Variants in DDR2 observed in about 807,000 individuals in gnomAD.
DDR2 encodes discoidin domain-containing receptor 2.
DDR2 carries 27 observed loss-of-function variants against 94.9 expected under a neutral mutation model. That is an observed-to-expected ratio of 0.28 (90% CI 0.21 to 0.39). The LOEUF (loss-of-function observed/expected upper bound fraction) is 0.39, where lower values mean the gene tolerates loss of function less well. Ranked by LOEUF, DDR2 falls within the 10% of genes least tolerant of loss-of-function variation. The probability of loss-of-function intolerance (pLI) is 1.00; values close to 1 mark genes in which losing one functional copy is unlikely to be tolerated. For missense variants in DDR2, 783 were observed against 1,076.0 expected (o/e 0.73, Z 3.81); for synonymous variants, 382 against 377.2 (o/e 1.01, Z -0.15).
rs1661800433 is a variant in DDR2 at position 162,728,069 on chromosome 1, T to TATATATCTAC, written c.82+8933_82+8934insCATATATCTA. Among the ~76,000 whole-genome samples, 4 of 143,264 alleles carry TATATATCTAC rather than the reference T, an allele frequency of 2.8e-5. No individual in the cohort carries two copies. In the South Asian group the frequency reaches 8.6e-4, roughly 31 times the overall value. The allele number at this position is 143,264 out of a possible 152,430, so 94.0% of individuals were successfully genotyped here. On this transcript the variant is annotated intron_variant, in intron 3 of 17. Transcript: ENST00000367921. ...TCTATATATAGATATAATCACACTA[T>TATATATCTAC]ATATATCTATATATAGATATAATCA...
intron 1 of DDR2, among the ~76,000 whole-genome samples, chr1:162,649,724 C>T (rs896307350): frequency 1.3e-5 from 2 of 152,176 alleles, no homozygotes; most frequent in Non-Finnish European, 2.9e-5. Context: ...CAGTGCTGGG[C>T]TGATGTAACA....
chr1:162,747,689 A>C (rs912122077), intron 3 of DDR2, among the ~76,000 whole-genome samples: 7 of 152,278 alleles, frequency 4.6e-5, no homozygotes, highest in African/African-American at 1.7e-4. Flanking sequence ...ACCCCAAGAC[A>C]CATAATTGTC....
chr1:162,753,306 G>A (rs903456129), intron 4 of DDR2, 109 bp downstream of exon 4: 38 of 981,824 alleles, frequency 3.9e-5, no homozygotes, highest in Non-Finnish European at 5.2e-5. Context: ...GGCAGGAACT[G>A]TTGAGAAATG....
In DDR2 at chr1:162,662,193, C is replaced by A. The variant is rs184552634; in HGVS notation, c.-28+6819C>A. On this transcript the variant is annotated intron_variant, in intron 2 of 17. Coordinates refer to ENST00000367921, the MANE Select transcript of DDR2 (RefSeq NM_006182.4). ...GACATTCTCTTCATTGGAAGAAGTA[C>A]AATGTATTCATTCATTCATTCATTC... Among the ~76,000 whole-genome samples the A allele has an allele frequency of 7.9e-5, 12 of 152,300 alleles. No homozygotes were observed. In the East Asian group the frequency reaches 2.3e-3, roughly 29 times the overall value.
chr1:162,775,502 A>T (rs1647483793), intron 14 of DDR2, 150 bp from the exon 15 acceptor site: 2 of 743,942 alleles, frequency 2.7e-6, no homozygotes, highest in Admixed American at 4.2e-5. Context: ...AGACAGATCC[A>T]GGTGTCAATT....
At chr1:162,658,003 C>T (rs139097108) in intron 2 of DDR2, among the ~76,000 whole-genome samples, 2 of 152,206 alleles carry the variant, frequency 1.3e-5, no homozygotes, top group East Asian at 3.9e-4. Flanking sequence ...CTTTCCTTTT[C>T]TCTTCTAAAA....
intron 2 of DDR2, among the ~76,000 whole-genome samples, chr1:162,688,953 C>G (rs1659825909): frequency 1.3e-5 from 2 of 152,182 alleles, no homozygotes; most frequent in Admixed American, 6.5e-5. Flanking sequence ...GATGATGAAG[C>G]CTCAGAGCCC....
intron 1 of DDR2, among the ~76,000 whole-genome samples, chr1:162,644,549 G>T (rs1307165581): frequency 2.0e-5 from 3 of 152,030 alleles, no homozygotes; most frequent in African/African-American, 4.8e-5. Context: ...ATACATGAGG[G>T]TTAGATGAAA....
chr1:162,721,812 C>G (rs950845900), intron 3 of DDR2, among the ~76,000 whole-genome samples: 2 of 152,074 alleles, frequency 1.3e-5, no homozygotes, highest in African/African-American at 4.8e-5. Context: ...AATATGCAAC[C>G]AATTATTAAA....
intron 2 of DDR2, among the ~76,000 whole-genome samples, chr1:162,663,702 A>C (rs1408617141): frequency 6.6e-6 from 1 of 152,110 alleles, no homozygotes; most frequent in East Asian, 1.9e-4. Flanking sequence ...ACTTGACTAC[A>C]CAAGAGGCTG....
In DDR2 at chr1:162,755,182, T is replaced by C. The variant is rs774706415; in HGVS notation, c.444T>C (p.Tyr148=). The C allele has an allele frequency of 6.9e-5, 112 of 1,614,006 alleles. No homozygotes were observed. The Admixed American group carries it at 1.8e-3, about 25-fold the overall frequency. The change falls in exon 6 of 18, where the codon TAT becomes TAC. Residue 148 remains tyrosine (Y), a synonymous_variant. Coordinates refer to ENST00000367921, the MANE Select transcript of DDR2 (RefSeq NM_006182.4). ...KQVLDGNSNP[Y]DIFLKDLEPP... ...TGCTGGATGGAAATAGTAACCCCTA[T>C]GACATTTTCCTAAAGGACTTGGAGC...
At chr1:162,657,310 G>A (rs868047936) in intron 2 of DDR2, among the ~76,000 whole-genome samples, 16 of 152,186 alleles carry the variant, frequency 1.1e-4, no homozygotes, top group African/African-American at 3.6e-4. Context: ...AGTCCTTCTG[G>A]TCACCAATTC....
intron 2 of DDR2, among the ~76,000 whole-genome samples, chr1:162,684,225 T>A (rs1384901517): frequency 6.6e-5 from 10 of 152,166 alleles, no homozygotes. Context: ...TCACTTAAAC[T>A]TTTCTATCTC....
intron 3 of DDR2, among the ~76,000 whole-genome samples, chr1:162,742,440 C>T (rs61812399): frequency 5.8e-4 from 88 of 152,302 alleles, no homozygotes; most frequent in Non-Finnish European, 1.1e-3. Context: ...TGTCACATGG[C>T]GAAAGCAGGA....
intron 5 of DDR2, 80 bp from the exon 6 acceptor site, chr1:162,755,076 C>CCACCAAAA (rs1663392750): frequency 1.9e-6 from 3 of 1,583,880 alleles, no homozygotes; most frequent in Non-Finnish European, 1.7e-6. Flanking sequence ...AAGAGAGAGT[C>CCACCAAAA]CATCAAAAAC....
At chr1:162,734,815 G>A (rs1474731336) in intron 3 of DDR2, among the ~76,000 whole-genome samples, 1 of 152,200 alleles carries the variant, frequency 6.6e-6, no homozygotes, top group Non-Finnish European at 1.5e-5. Flanking sequence ...CAATCGTGTG[G>A]ACCTCAAGGG....
At chr1:162,779,132 G>A (rs1358793552) in intron 17 of DDR2, among the ~76,000 whole-genome samples, 1 of 152,156 alleles carries the variant, frequency 6.6e-6, no homozygotes, top group Non-Finnish European at 1.5e-5. Context: ...AATGGGGTTG[G>A]TTTTGACTAT....
intron 1 of DDR2, among the ~76,000 whole-genome samples, chr1:162,651,294 T>A (rs965447437): frequency 6.6e-6 from 1 of 152,216 alleles, no homozygotes; most frequent in Non-Finnish European, 1.5e-5. Context: ...TGTCTTCGAT[T>A]ACCTGTGTGT....
intron 2 of DDR2, among the ~76,000 whole-genome samples, chr1:162,711,396 G>A (rs921643516): frequency 6.6e-5 from 10 of 152,176 alleles, no homozygotes; most frequent in Admixed American, 1.3e-4. Flanking sequence ...ATCCTTTTGC[G>A]AAGAACTATT....
Sources: gnomAD v4.1 joint callset for allele counts (sites outside exome capture counted in the v4.1 genomes callset) on GRCh38, gnomAD v4.1.1 for gene constraint, MANE v1.5 for transcripts, NCBI Gene and HGNC (gene_info 2026-07-23, HGNC 2026-07-21) for gene names.